The following PIK3C2A variants were observed in gnomAD, a reference collection of about 807,000 sequenced individuals.
PIK3C2A encodes phosphatidylinositol-4-phosphate 3-kinase catalytic subunit type 2 alpha, also known as phosphatidylinositol 4-phosphate 3-kinase C2 domain-containing subunit alpha.
Under a neutral mutation model 204.5 loss-of-function variants are expected in PIK3C2A, and 97 were observed. That is an observed-to-expected ratio of 0.47 (90% CI 0.40 to 0.56). PIK3C2A has a LOEUF of 0.56. Among genes scored for constraint, PIK3C2A ranks in the 20% least tolerant of loss-of-function variants. The probability of loss-of-function intolerance (pLI) is 0.00; values close to 1 mark genes in which losing one functional copy is unlikely to be tolerated. For missense variants in PIK3C2A, 1,735 were observed against 1,969.2 expected, an observed-to-expected ratio of 0.88 and a Z score of 2.25; for synonymous variants, 653 against 664.4, an observed-to-expected ratio of 0.98 and a Z score of 0.26.
At chr11:17,143,425 T>C (rs1031783845) in intron 8 of PIK3C2A, among the ~76,000 whole-genome samples, 5 of 152,006 alleles carry the variant, frequency 3.3e-5, no homozygotes, top group African/African-American at 1.2e-4. Context: ...GCCAGAGTGA[T>C]TTCAGATCAC....
intron 11 of PIK3C2A, among the ~76,000 whole-genome samples, chr11:17,132,346 G>A (rs908837418): frequency 5.1e-5 from 7 of 137,444 alleles, no homozygotes; most frequent in East Asian, 4.4e-4. Context: ...TTTTTGAGAC[G>A]GAGTCTCGCT....
chr11:17,136,594 T>G lies in PIK3C2A; in HGVS notation c.1736A>C (p.Lys579Thr). The G allele has an allele frequency of 6.3e-7, 1 of 1,590,084 alleles. No individual in the cohort carries two copies. The highest frequency in any genetic ancestry group is 1.7e-5 in the Admixed American group (1 of 58,914). ...NQHRAVDQVI[K>T]AVRKICSALD... ...AGCACTACAGATTTTTCTTACAGCT[T>G]TAATTACTTGATCTACTGCTCGGTG... The change falls in exon 9 of 33, where the codon AAA becomes ACA. Residue 579 changes from lysine to threonine, a missense_variant. Transcript: ENST00000691414.
chr11:17,105,169 C>G lies in PIK3C2A; in HGVS notation c.3681G>C (p.Lys1227Asn). 6.2e-7 allele frequency: 1 copy of G among 1,609,624 alleles called. No individual in the cohort carries two copies. The highest frequency in any genetic ancestry group is 8.5e-7 in the Non-Finnish European group (1 of 1,176,496). The part of the protein sequence containing the change: ...KYNPSEEEYE[K>N]ASENFIYSCA... The stretch of plus-strand genomic sequence containing the variant: ...TAGAATGAGGAGACATGCTAATTAC[C>G]TTTTCATATTCTTCTTCAGAGGGAT... Residue 1227 changes from lysine to asparagine, a missense_variant and splice_region_variant, in exon 23 of 33, where the codon AAG becomes AAC. Physicochemically the swap from Lys to Asn is moderately conservative, Grantham distance 94. Transcript: ENST00000691414.
intron 23 of PIK3C2A, among the ~76,000 whole-genome samples, 187 bp from the exon 24 acceptor site, chr11:17,103,018 T>C (rs1398157207): frequency 6.6e-6 from 1 of 152,036 alleles, no homozygotes. Flanking sequence ...AACACTCTTC[T>C]AAGGGTGGTT....
At chr11:17,117,340 A>C in intron 19 of PIK3C2A, 151 bp downstream of exon 19, 1 of 475,270 alleles carries the variant, frequency 2.1e-6, no homozygotes. Context: ...TATTTTAAAC[A>C]ATCTTTGAAT....
At position 17,122,737 on chromosome 11, in the gene PIK3C2A, T is replaced by C. The variant is rs761809205; in HGVS notation, c.2476A>G (p.Lys826Glu). Reference protein sequence around the residue: ...HTNSVPGTVTKKGYVMERIVL... With the variant: ...HTNSVPGTVTEKGYVMERIVL... Reference sequence around the variant, plus strand: ...ATTCTTTCCATGACATATCCTTTTTTGGTAACTGTTCCAGGAACAGAATTT... The same window carrying C: ...ATTCTTTCCATGACATATCCTTTTTCGGTAACTGTTCCAGGAACAGAATTT... The change falls in exon 14 of 33, where the codon AAA becomes GAA. Residue 826 changes from lysine to glutamate, a missense_variant. Physicochemically the swap from Lys to Glu is moderately conservative, Grantham distance 56. Transcript: ENST00000691414. 5.8e-6 allele frequency: 9 copies of C among 1,543,618 alleles called. No individual in the cohort carries two copies. The highest frequency in any genetic ancestry group is 7.1e-6 in the Non-Finnish European group (8 of 1,118,972).
At chr11:17,096,843 C>T (rs763359566) in intron 27 of PIK3C2A, among the ~76,000 whole-genome samples, 2 of 152,206 alleles carry the variant, frequency 1.3e-5, no homozygotes, top group Non-Finnish European at 2.9e-5. Context: ...CACTTTACCA[C>T]TCGGTCCTTA....
intron 18 of PIK3C2A, 36 bp from the exon 19 acceptor site, chr11:17,117,707 GGTTTT>G (rs1849246055): frequency 2.0e-4 from 109 of 532,334 alleles, no homozygotes; most frequent in Middle Eastern, 5.8e-4. Context: ...GTCACGTCTT[GGTTTT>G]TTTTTTTTTT....
At position 17,169,812 on chromosome 11, in the gene PIK3C2A, C is replaced by T. The variant is rs1054681229; in HGVS notation, c.-65-6G>A. The T allele has an allele frequency of 5.8e-5, 57 of 985,810 alleles. 1 individual carries two copies. Among genetic ancestry groups the T allele is most frequent in the Middle Eastern group, 2.3e-4 (1 of 4,420 alleles). The allele number at this position is 985,810 out of a possible 1,614,324, so 61.1% of individuals were successfully genotyped here. A position where few individuals can be genotyped will look rare whatever the true frequency, so the allele number is the denominator to read the frequency against. ...AGCTTCCAAAATAGCAAGGCCTATACATAAAAATAAACATAACACTCAATT... is the reference window on the plus strand; with the variant it reads ...AGCTTCCAAAATAGCAAGGCCTATATATAAAAATAAACATAACACTCAATT... On this transcript the variant is annotated splice_region_variant and splice_polypyrimidine_tract_variant and intron_variant, in intron 1 of 32. Coordinates refer to ENST00000691414, the MANE Select transcript of PIK3C2A (RefSeq NM_002645.4).
chr11:17,139,070 GC>G (rs1490186769), intron 8 of PIK3C2A, among the ~76,000 whole-genome samples: 1 of 151,994 alleles, frequency 6.6e-6, no homozygotes, highest in Non-Finnish European at 1.5e-5. Flanking sequence ...ACCACGCCCA[GC>G]TAATTTTTGT....
At chr11:17,159,772 A>C (rs758237121) in intron 2 of PIK3C2A, among the ~76,000 whole-genome samples, 6 of 152,238 alleles carry the variant, frequency 3.9e-5, no homozygotes, top group African/African-American at 7.2e-5. Context: ...TGAGCTGACA[A>C]GTCTCCAGAT....
Position 17,169,710 on chromosome 11 carries a change from T to C in PIK3C2A, c.32A>G (p.Lys11Arg), listed in dbSNP as rs774129341. The change falls in exon 2 of 33, where the codon AAA (lysine) becomes AGA (arginine). Residue 11 changes from lysine to arginine, a missense_variant. Physicochemically the swap from Lys to Arg is conservative, Grantham distance 26. Coordinates refer to ENST00000691414, the MANE Select transcript of PIK3C2A (RefSeq NM_002645.4). MAQISSNSGF[K>R]ECPSSHPEPT... The stretch of plus-strand genomic sequence containing the variant: ...TTCCGGATGTGAAGATGGACATTCT[T>C]TAAATCCGCTGTTGCTAGATATCTG... 5.6e-6 allele frequency: 9 copies of C among 1,605,132 alleles called. No homozygotes were observed. The highest frequency in any genetic ancestry group is 1.3e-5 in the African/African-American group (1 of 74,792).
intron 1 of PIK3C2A, among the ~76,000 whole-genome samples, chr11:17,180,428 GA>G (rs1187598649): frequency 6.7e-6 from 1 of 149,928 alleles, no homozygotes; most frequent in Non-Finnish European, 1.5e-5. Flanking sequence ...AATAAACCAA[GA>G]AAAAATTTTT....
intron 1 of PIK3C2A, among the ~76,000 whole-genome samples, chr11:17,181,734 C>T (rs1000109712): frequency 6.8e-6 from 1 of 147,644 alleles, no homozygotes; most frequent in Admixed American, 6.9e-5. Flanking sequence ...AGTTCAAAAA[C>T]ATGAAAAACT....
At chr11:17,144,789 A>C (rs1165489884) in intron 8 of PIK3C2A, among the ~76,000 whole-genome samples, 1 of 147,618 alleles carries the variant, frequency 6.8e-6, no homozygotes, top group Non-Finnish European at 1.5e-5. Context: ...CCAGCTACTC[A>C]GGAGGCTGAG....
chr11:17,156,460 C>T (rs1850596691), intron 2 of PIK3C2A, among the ~76,000 whole-genome samples: 1 of 152,126 alleles, frequency 6.6e-6, no homozygotes, highest in Admixed American at 6.5e-5. Flanking sequence ...AACAATGGCT[C>T]ACTGCAGCTT....
chr11:17,100,249 C>CGGAGG (rs796174072), intron 25 of PIK3C2A, among the ~76,000 whole-genome samples: 1 of 46,492 alleles, frequency 2.2e-5, no homozygotes, highest in African/African-American at 9.4e-5. Flanking sequence ...TTTTTGGGGG[C>CGGAGG]GGGGGGGGGG....
intron 1 of PIK3C2A, among the ~76,000 whole-genome samples, chr11:17,200,663 A>G (rs1416428136): frequency 6.6e-6 from 1 of 152,172 alleles, no homozygotes; most frequent in Non-Finnish European, 1.5e-5. Flanking sequence ...GAAATATTCT[A>G]TATCTTGTAT....
At chr11:17,165,781 T>TGA (rs1429082479) in intron 2 of PIK3C2A, among the ~76,000 whole-genome samples, 14 of 2,184 alleles carry the variant, frequency 6.4e-3, no homozygotes, top group East Asian at 0.041. Flanking sequence ...CTCAAAAAAG[T>TGA]GAAAAAAAAA....
Sources: allele counts gnomAD v4.1 joint callset (sites outside exome capture counted in the v4.1 genomes callset), GRCh38; gene constraint gnomAD v4.1.1; transcripts MANE v1.5; gene names NCBI Gene and HGNC (gene_info 2026-07-23, HGNC 2026-07-21).